The following CFAP53 variants were observed in gnomAD, a reference collection of about 807,000 sequenced individuals.
The protein encoded by CFAP53 is cilia- and flagella-associated protein 53.
In CFAP53, 62 loss-of-function variants were observed where a neutral mutation model predicts 59.7. The observed-to-expected ratio is 1.04, with a 90% confidence interval of 0.85 to 1.28. The LOEUF (loss-of-function observed/expected upper bound fraction) is 1.28. Ranked by LOEUF, CFAP53 falls within the 50% of genes most tolerant of loss-of-function variation. CFAP53 has a pLI of 0.00. For synonymous variants in CFAP53, 218 were observed against 205.7 expected (o/e 1.06, Z -0.51); for missense variants, 629 against 615.6 (o/e 1.02, Z -0.23).
chr18:50,261,913 T>C (rs986386457), intron 2 of CFAP53, 77 bp downstream of exon 2: 4 of 1,132,284 alleles, frequency 3.5e-6, no homozygotes, highest in Non-Finnish European at 5.3e-6. Context: ...TTGCTAAATT[T>C]GATTTTTGAC....
chr18:50,252,231 G>A (rs2033808298), intron 3 of CFAP53, among the ~76,000 whole-genome samples: 1 of 151,710 alleles, frequency 6.6e-6, no homozygotes, highest in African/African-American at 2.4e-5. Flanking sequence ...AGCCTTCTGA[G>A]TAGCTGGGAC....
chr18:50,238,710 G>A lies in CFAP53; in HGVS notation c.1214-5C>T, dbSNP rs762923871. The A allele has an allele frequency of 6.2e-7, 1 of 1,602,940 alleles. No individual in the cohort carries two copies. Among genetic ancestry groups the A allele is most frequent in the African/African-American group, 1.3e-5 (1 of 74,586 alleles). On this transcript the variant is annotated splice_polypyrimidine_tract_variant and splice_region_variant and intron_variant, in intron 6 of 7. Coordinates refer to ENST00000398545, the MANE Select transcript of CFAP53 (RefSeq NM_145020.5). ...GTTCTTTAGCTTCTCGTTGCACTAA[G>A]AAAAGCAAAAGTAATTATATGTCAA...
At chr18:50,237,890 T>TC (rs2033653451) in intron 7 of CFAP53, among the ~76,000 whole-genome samples, 1 of 151,830 alleles carries the variant, frequency 6.6e-6, no homozygotes, top group Non-Finnish European at 1.5e-5. Flanking sequence ...TTGTATGGAA[T>TC]CCTGTCCCTA....
intron 3 of CFAP53, chr18:50,256,081 GATTTTTAACA>G (rs1259255356): frequency 1.3e-5 from 2 of 152,146 alleles, no homozygotes; most frequent in African/African-American, 2.4e-5. Context: ...GTTTCTTTAA[GATTTTTAACA>G]ATTCATCTAA....
Position 50,245,082 on chromosome 18 carries a change from A to C in CFAP53, c.997-1966T>G, listed in dbSNP as rs1042145086. Among the ~76,000 whole-genome samples, 103 of 149,086 alleles carry C rather than the reference A, an allele frequency of 6.9e-4. No homozygotes were observed. In the East Asian group the frequency reaches 0.02, roughly 29 times the overall value. ...TATCTCAAAAAAAAAAAAAAAAAAA[A>C]AACTATTAAAACTAATAAGGCTGGG... On this transcript the variant is annotated intron_variant, in intron 5 of 7. Coordinates refer to ENST00000398545, the MANE Select transcript of CFAP53 (RefSeq NM_145020.5).
chr18:50,261,564 T>C (rs976444346), intron 2 of CFAP53, among the ~76,000 whole-genome samples: 4 of 151,740 alleles, frequency 2.6e-5, no homozygotes, highest in Admixed American at 2.6e-4. Context: ...AGCTGTTTTT[T>C]TATTTTTTGT....
chr18:50,227,376 C>T lies in CFAP53; in HGVS notation c.*5G>A. Reference sequence around the variant, plus strand: ...CCAAGAAAAGATATATTGATGCTCACGGAACTACGGTGGAAGCTTACTGGG... The same window carrying T: ...CCAAGAAAAGATATATTGATGCTCATGGAACTACGGTGGAAGCTTACTGGG... On this transcript the variant is annotated 3_prime_UTR_variant, in exon 8 of 8. Coordinates refer to ENST00000398545, the MANE Select transcript of CFAP53 (RefSeq NM_145020.5). The T allele has an allele frequency of 4.4e-6, 7 of 1,605,824 alleles. No individual in the cohort carries two copies. Among genetic ancestry groups the T allele is most frequent in the South Asian group, 1.1e-5 (1 of 90,852 alleles).
rs564919772 is a variant in CFAP53 at position 50,251,780 on chromosome 18, G to A, written c.478C>T (p.Arg160Cys). Residue 160 changes from arginine to cysteine, a missense_variant, in exon 4 of 8, where the codon CGC becomes TGC. Physicochemically the swap from Arg to Cys is radical, Grantham distance 180 (BLOSUM62 -3). Transcript: ENST00000398545. The part of the protein sequence containing the change: ...AEKLDQQFRE[R>C]CEELRVELLS... ...AATTCAACACGGAGCTCCTCACAGCGTTCCCTGAAAGGAAAATTTTAAAAA... is the reference window on the plus strand; with the variant it reads ...AATTCAACACGGAGCTCCTCACAGCATTCCCTGAAAGGAAAATTTTAAAAA... 24 of 1,610,950 alleles carry A rather than the reference G, an allele frequency of 1.5e-5. No individual in the cohort carries two copies. Among genetic ancestry groups the A allele is most frequent in the Middle Eastern group, 1.7e-4 (1 of 6,046 alleles).
Position 50,242,999 on chromosome 18 carries a change from A to G in CFAP53, c.1114T>C (p.Leu372=), listed in dbSNP as rs747986895. The G allele has an allele frequency of 3.7e-6, 6 of 1,613,940 alleles. No homozygotes were observed. In the South Asian group the frequency reaches 6.6e-5, roughly 18 times the overall value. Residue 372 remains leucine, a synonymous_variant, in exon 6 of 8, where the codon TTG becomes CTG. Coordinates refer to ENST00000398545, the MANE Select transcript of CFAP53 (RefSeq NM_145020.5). ...CTCAGCTCCTTGTCCTTCTCAGCCA[A>G]CTTCTTTGCCTTGTCTTCCTCTAAT... ...RILEEDKAKK[L]AEKDKELRLE...
In CFAP53 at chr18:50,227,555, G is replaced by A; in HGVS notation, c.1371C>T (p.Tyr457=). ...YRKQLQMQIA[Y]QQQSQEAEKE... ...TCTCTGCTTCTTGGGACTGCTGCTGGTAGGCGATTTGCATCTGAAGTTGCT... is the reference window on the plus strand; with the variant it reads ...TCTCTGCTTCTTGGGACTGCTGCTGATAGGCGATTTGCATCTGAAGTTGCT... Residue 457 remains tyrosine, a synonymous_variant, in exon 8 of 8, where the codon TAC becomes TAT. Transcript: ENST00000398545. 1.2e-6 allele frequency: 2 copies of A among 1,614,142 alleles called. No individual in the cohort carries two copies. Among genetic ancestry groups the A allele is most frequent in the Non-Finnish European group, 8.5e-7 (1 of 1,180,016 alleles).
At chr18:50,239,207 G>A (rs959065299) in intron 6 of CFAP53, among the ~76,000 whole-genome samples, 7 of 151,770 alleles carry the variant, frequency 4.6e-5, no homozygotes, top group African/African-American at 1.7e-4. Flanking sequence ...GGCCAACATG[G>A]TGAAACCCCG....
chr18:50,234,476 AT>A (rs1313520973), intron 7 of CFAP53, among the ~76,000 whole-genome samples: 1 of 152,116 alleles, frequency 6.6e-6, no homozygotes, highest in African/African-American at 2.4e-5. Context: ...GCCACATTTG[AT>A]CCCTGGGGAC....
chr18:50,252,537 G>A (rs2033811169), intron 3 of CFAP53, among the ~76,000 whole-genome samples: 1 of 152,154 alleles, frequency 6.6e-6, no homozygotes, highest in Non-Finnish European at 1.5e-5. Context: ...CCAAGTAGCT[G>A]AGACTATAAG....
intron 5 of CFAP53, among the ~76,000 whole-genome samples, chr18:50,245,062 C>CA (rs11358725): frequency 1.1e-3 from 89 of 81,686 alleles, no homozygotes; most frequent in African/African-American, 3.9e-3. Flanking sequence ...GACTCTATCT[C>CA]AAAAAAAAAA....
intron 1 of CFAP53, 38 bp from the exon 2 acceptor site, chr18:50,262,257 A>G (rs1462689662): frequency 7.2e-6 from 11 of 1,524,660 alleles, no homozygotes; most frequent in Non-Finnish European, 1.0e-5. Flanking sequence ...TAATAAGCCA[A>G]AGAATCAACT....
intron 5 of CFAP53, among the ~76,000 whole-genome samples, chr18:50,243,480 A>G (rs753811301): frequency 2.0e-5 from 3 of 152,266 alleles, no homozygotes; most frequent in Non-Finnish European, 4.4e-5. Context: ...ATAGTTTTCA[A>G]TGATACAGCT....
At chr18:50,232,214 G>A (rs1799137101) in intron 7 of CFAP53, among the ~76,000 whole-genome samples, 1 of 152,160 alleles carries the variant, frequency 6.6e-6, no homozygotes, top group Non-Finnish European at 1.5e-5. Flanking sequence ...TATTCCTTCA[G>A]ACTCACTTCT....
intron 6 of CFAP53, among the ~76,000 whole-genome samples, chr18:50,239,582 C>T (rs775504149): frequency 6.5e-4 from 99 of 152,058 alleles, no homozygotes; most frequent in Non-Finnish European, 9.0e-4. Flanking sequence ...ATCTGGAATT[C>T]TAAAATAACA....
At position 50,227,318 on chromosome 18, in the gene CFAP53, T is replaced by C. The variant is rs1439690528; in HGVS notation, c.*63A>G. 7 of 1,308,904 alleles carry C rather than the reference T, an allele frequency of 5.3e-6. No individual in the cohort carries two copies. The highest frequency in any genetic ancestry group is 2.9e-5 in the African/African-American group (2 of 68,082). The allele number at this position is 1,308,904 out of a possible 1,614,324, so 81.1% of individuals were successfully genotyped here. Reference sequence around the variant, plus strand: ...GTTTATCCAGGAGTTAAAAGAAGCATACAAGCATACTGTAGTTAAAAATAT... The same window carrying C: ...GTTTATCCAGGAGTTAAAAGAAGCACACAAGCATACTGTAGTTAAAAATAT... On this transcript the variant is annotated 3_prime_UTR_variant, in exon 8 of 8. Coordinates refer to ENST00000398545, the MANE Select transcript of CFAP53 (RefSeq NM_145020.5).
Sources: allele counts gnomAD v4.1 joint callset (sites outside exome capture counted in the v4.1 genomes callset), GRCh38; gene constraint gnomAD v4.1.1; transcripts MANE v1.5; gene names NCBI Gene and HGNC (gene_info 2026-07-23, HGNC 2026-07-21).